ZNF800: variants seen among roughly 807,000 people sequenced by gnomAD.
ZNF800 encodes the protein zinc finger protein 800.
A neutral mutation model predicts 59.5 loss-of-function variants in ZNF800; 13 were observed. The ratio of observed to expected loss-of-function variants is 0.22; its 90% CI spans 0.14 to 0.35. The LOEUF (loss-of-function observed/expected upper bound fraction) is 0.35. ZNF800 is among the 10% of genes least tolerant of loss of function. The pLI is 1.00. For missense variants in ZNF800, 621 were observed against 783.7 expected, an observed-to-expected ratio of 0.79 and a Z score of 2.48; for synonymous variants, 266 against 265.7, an observed-to-expected ratio of 1.00 and a Z score of -0.01.
At position 127,374,144 on chromosome 7, in the gene ZNF800, T is replaced by C. The variant is rs778178690; in HGVS notation, c.1192A>G (p.Asn398Asp). The change falls in exon 5 of 6, where the codon AAT (asparagine) becomes GAT (aspartate). Residue 398 changes from asparagine to aspartate, a missense_variant. By Grantham distance (23) the Asn-to-Asp change is conservative (BLOSUM62 1). Coordinates refer to ENST00000265827, the MANE Select transcript of ZNF800 (RefSeq NM_176814.5). Reference protein sequence around the residue: ...GTNSKREKGPNNTANSSEIKV... With the variant: ...GTNSKREKGPDNTANSSEIKV... ...ATTTCTGAACTGTTGGCAGTATTATTAGGGCCTTTTTCTCTTTTAGAGTTT... is the reference window on the plus strand; with the variant it reads ...ATTTCTGAACTGTTGGCAGTATTATCAGGGCCTTTTTCTCTTTTAGAGTTT... 3.7e-6 allele frequency: 6 copies of C among 1,613,444 alleles called. No homozygotes were observed. Among genetic ancestry groups the C allele is most frequent in the African/African-American group, 1.3e-5 (1 of 74,834 alleles).
rs17862368 is a variant in ZNF800, at chr7:127,377,337, A to C, written c.158-8T>G. 263,783 of 1,577,484 alleles carry C rather than the reference A, an allele frequency of 0.17. 23,222 individuals are homozygous for C. The highest frequency in any genetic ancestry group is 0.27 in the Middle Eastern group (1,489 of 5,510). ...GCTTAAGTTGTTTAGTTCCTGAGAG[A>C]AAAAAGAAAAGAAAAACTTAACACA... On this transcript the variant is annotated splice_region_variant and splice_polypyrimidine_tract_variant and intron_variant, in intron 3 of 5. Transcript: ENST00000265827. The surrounding 1 kb of genome is among the most constrained non-coding windows in gnomAD (Gnocchi z 4.7).
intron 1 of ZNF800, chr7:127,359,919 G>A (rs17861445): frequency 2.7e-5 from 4 of 147,926 alleles, no homozygotes; most frequent in East Asian, 2.0e-4. Flanking sequence ...ACACTTAAAT[G>A]AAAAAAAAAA....
intron 1 of ZNF800, among the ~76,000 whole-genome samples, chr7:127,349,166 T>G (rs1800126976): frequency 6.6e-6 from 1 of 152,182 alleles, no homozygotes; most frequent in East Asian, 1.9e-4. Flanking sequence ...GGGACAAATG[T>G]TTTAGATCAT....
At chr7:127,366,402 C>G (rs561917196), downstream of ZNF800, among the ~76,000 whole-genome samples, 2 of 152,256 alleles carry the variant, frequency 1.3e-5, no homozygotes, top group East Asian at 3.9e-4. Flanking sequence ...ACAGCAGCAA[C>G]TGATGCGGTG....
At chr7:127,344,206 G>C (rs1800018835), downstream of ZNF800, among the ~76,000 whole-genome samples, 1 of 151,842 alleles carries the variant, frequency 6.6e-6, no homozygotes, top group Non-Finnish European at 1.5e-5. Context: ...GTTCAAAAAA[G>C]TTATCAAACA....
At chr7:127,372,880 G>A (rs1800671962) in intron 5 of ZNF800, 1 of 985,086 alleles carries the variant, frequency 1.0e-6, no homozygotes, top group Admixed American at 6.2e-5. Context: ...AATAATTACA[G>A]TGCCTCAAAA....
At chr7:127,361,819 C>A (rs1158776402) in intron 1 of ZNF800, 1 of 152,076 alleles carries the variant, frequency 6.6e-6, no homozygotes, top group Non-Finnish European at 1.5e-5. Context: ...ATAATCTATT[C>A]TTGATGACTC....
At chr7:127,364,054 G>A (rs756076271) in intron 1 of ZNF800, 2 of 152,106 alleles carry the variant, frequency 1.3e-5, no homozygotes, top group Non-Finnish European at 2.9e-5. Flanking sequence ...ATATATTACA[G>A]AAGTTCATTA....
downstream of ZNF800, among the ~76,000 whole-genome samples, chr7:127,343,664 AG>A (rs1800007429): frequency 6.6e-6 from 1 of 152,020 alleles, no homozygotes; most frequent in African/African-American, 2.4e-5. Context: ...TGATAAAGGT[AG>A]AATTCAAAAA....
At chr7:127,378,902 A>G (rs1286681512) in intron 3 of ZNF800, among the ~76,000 whole-genome samples, 1 of 152,126 alleles carries the variant, frequency 6.6e-6, no homozygotes, top group Non-Finnish European at 1.5e-5. Flanking sequence ...TGGTTTACTC[A>G]TGTTGTAAAA....
chr7:127,346,343 A>T (rs1162315810), downstream of ZNF800, among the ~76,000 whole-genome samples: 1 of 152,196 alleles, frequency 6.6e-6, no homozygotes, highest in Non-Finnish European at 1.5e-5. Flanking sequence ...GAGTTAATGG[A>T]TTGGAAGTAA....
chr7:127,366,054 G>T (rs930979430), downstream of ZNF800, among the ~76,000 whole-genome samples: 1 of 152,044 alleles, frequency 6.6e-6, no homozygotes, highest in Admixed American at 6.6e-5. Flanking sequence ...TCATTTTACA[G>T]ACAGGAAAAT....
At chr7:127,344,317 T>C (rs2116995931), downstream of ZNF800, among the ~76,000 whole-genome samples, 1 of 152,076 alleles carries the variant, frequency 6.6e-6, no homozygotes, top group Middle Eastern at 3.4e-3. Context: ...TATCTAACAA[T>C]ACAATTAATA....
chr7:127,391,451 T>A (rs1460159913), intron 2 of ZNF800, 46 bp downstream of exon 2: 4 of 1,581,424 alleles, frequency 2.5e-6, no homozygotes, highest in Non-Finnish European at 2.6e-6. Flanking sequence ...GAAGGCAGAG[T>A]GGCTCTGATG....
At chr7:127,365,877 A>C (rs912141833), downstream of ZNF800, among the ~76,000 whole-genome samples, 1 of 152,142 alleles carries the variant, frequency 6.6e-6, no homozygotes, top group South Asian at 2.1e-4. Flanking sequence ...TAAGTGCTAG[A>C]AAGTATTTCA....
At chr7:127,358,946 T>C (rs1198775746) in intron 1 of ZNF800, among the ~76,000 whole-genome samples, 2 of 152,160 alleles carry the variant, frequency 1.3e-5, no homozygotes, top group Non-Finnish European at 2.9e-5. Context: ...AATTGTTTAA[T>C]TTGCTTATTA....
At chr7:127,349,986 C>T (rs945230620) in intron 1 of ZNF800, 1 of 152,194 alleles carries the variant, frequency 6.6e-6, no homozygotes, top group African/African-American at 2.4e-5. Flanking sequence ...AGGTTCCTAC[C>T]TTTGAGAAGC....
chr7:127,382,872 G>A (rs1801014853), intron 3 of ZNF800, among the ~76,000 whole-genome samples: 1 of 152,178 alleles, frequency 6.6e-6, no homozygotes, highest in Non-Finnish European at 1.5e-5. Flanking sequence ...CTGAGCAAAG[G>A]GGAACTGAAG....
intron 2 of ZNF800, among the ~76,000 whole-genome samples, chr7:127,388,077 C>G (rs1801193938): frequency 6.6e-6 from 1 of 151,920 alleles, no homozygotes; most frequent in South Asian, 2.1e-4. Context: ...GCAAATTAAA[C>G]TCTCTGATTT....
Sources: gnomAD v4.1 joint callset for allele counts (sites outside exome capture counted in the v4.1 genomes callset) on GRCh38, gnomAD v4.1.1 for gene constraint, Gnocchi (gnomAD v3.1) non-coding constraint, MANE v1.5 for transcripts, NCBI Gene and HGNC (gene_info 2026-07-23, HGNC 2026-07-21) for gene names.